Variants in STARD3NL observed in about 807,000 individuals in gnomAD.
STARD3NL encodes STARD3 N-terminal-like protein.
Under a neutral mutation model 30.9 loss-of-function variants are expected in STARD3NL, and 17 were observed. The ratio of observed to expected loss-of-function variants is 0.55; its 90% CI spans 0.38 to 0.82. The LOEUF (loss-of-function observed/expected upper bound fraction) is 0.82. Among genes scored for constraint, STARD3NL ranks in the 40% least tolerant of loss-of-function variants. The pLI, the probability that STARD3NL is intolerant of heterozygous loss-of-function variation, is 0.00. For synonymous variants in STARD3NL, 112 were observed against 100.5 expected (o/e 1.11, Z -0.69); for missense variants, 234 against 277.6 (o/e 0.84, Z 1.12).
chr7:38,199,297 C>A (rs1206380059), intron 1 of STARD3NL, among the ~76,000 whole-genome samples: 3 of 152,178 alleles, frequency 2.0e-5, no homozygotes, highest in Admixed American at 2.0e-4. Context: ...TTTAATACTT[C>A]TGAAATGACA....
intron 4 of STARD3NL, 80 bp from the exon 5 acceptor site, chr7:38,216,945 A>G: frequency 6.5e-7 from 1 of 1,543,206 alleles, no homozygotes; most frequent in Non-Finnish European, 8.9e-7. Flanking sequence ...CCTGGCTCAG[A>G]CGGGTCTCTT....
intron 1 of STARD3NL, among the ~76,000 whole-genome samples, chr7:38,183,293 G>A (rs1784321147): frequency 6.6e-6 from 1 of 152,146 alleles, no homozygotes; most frequent in African/African-American, 2.4e-5. Context: ...CTGTTCCTCA[G>A]CACTGTTGAT....
intron 1 of STARD3NL, among the ~76,000 whole-genome samples, chr7:38,190,916 A>G (rs1034275573): frequency 6.6e-6 from 1 of 152,180 alleles, no homozygotes; most frequent in African/African-American, 2.4e-5. Context: ...AGGATTTATC[A>G]CAATTGATGT....
intron 2 of STARD3NL, among the ~76,000 whole-genome samples, chr7:38,213,416 T>C (rs1294722079): frequency 6.6e-6 from 1 of 152,184 alleles, no homozygotes; most frequent in Non-Finnish European, 1.5e-5. Flanking sequence ...CAAATACAAA[T>C]ATGTGAAATG....
chr7:38,190,063 G>A (rs1188621270), intron 1 of STARD3NL, among the ~76,000 whole-genome samples: 1 of 152,134 alleles, frequency 6.6e-6, no homozygotes, highest in African/African-American at 2.4e-5. Context: ...CTTATCCATG[G>A]ACAGTACATT....
chr7:38,183,024 G>A (rs1784312231), intron 1 of STARD3NL, among the ~76,000 whole-genome samples: 1 of 151,974 alleles, frequency 6.6e-6, no homozygotes, highest in Non-Finnish European at 1.5e-5. Context: ...TTTTGTTTCA[G>A]GAAAATATAT....
At chr7:38,200,782 T>G (rs1362617511) in intron 1 of STARD3NL, among the ~76,000 whole-genome samples, 3 of 152,058 alleles carry the variant, frequency 2.0e-5, no homozygotes, top group Non-Finnish European at 2.9e-5. Flanking sequence ...GCAGTAATTG[T>G]TTTTTTGGGG....
intron 1 of STARD3NL, among the ~76,000 whole-genome samples, chr7:38,182,118 G>A (rs1425751760): frequency 1.3e-5 from 2 of 152,122 alleles, no homozygotes; most frequent in Admixed American, 6.5e-5. Flanking sequence ...GTTGACTTGA[G>A]CTTAAAAAAC....
chr7:38,190,773 C>T (rs891579417), intron 1 of STARD3NL, among the ~76,000 whole-genome samples: 1 of 152,108 alleles, frequency 6.6e-6, no homozygotes, highest in African/African-American at 2.4e-5. Context: ...GTATTCACAC[C>T]ACTATCCTTT....
intron 1 of STARD3NL, among the ~76,000 whole-genome samples, chr7:38,198,838 G>A (rs1383302141): frequency 6.6e-6 from 1 of 152,218 alleles, no homozygotes; most frequent in Non-Finnish European, 1.5e-5. Context: ...GGAAGCAGAT[G>A]GAGCTGATGT....
intron 1 of STARD3NL, among the ~76,000 whole-genome samples, chr7:38,196,066 T>C (rs1299004756): frequency 2.0e-5 from 3 of 152,242 alleles, no homozygotes; most frequent in African/African-American, 7.2e-5. Flanking sequence ...TTAACTGCCA[T>C]GTGGACTGAA....
At chr7:38,178,547 C>T (rs546210234) in intron 1 of STARD3NL, 127 bp downstream of exon 1, 6 of 152,794 alleles carry the variant, frequency 3.9e-5, no homozygotes, top group African/African-American at 1.2e-4. Context: ...GTTCTGTTTC[C>T]TGAGTCCTGC....
chr7:38,224,616 A>G (rs1786652887), intron 7 of STARD3NL, among the ~76,000 whole-genome samples: 1 of 152,160 alleles, frequency 6.6e-6, no homozygotes, highest in South Asian at 2.1e-4. Flanking sequence ...TCTGTCCAGC[A>G]GATCCACACT....
chr7:38,216,482 T>TGTGTGTGA (rs397840336), intron 4 of STARD3NL: 3 of 148,032 alleles, frequency 2.0e-5, no homozygotes, highest in African/African-American at 7.6e-5. Context: ...TGTGTGTGTG[T>TGTGTGTGA]GAGTGTGTGT....
chr7:38,182,924 A>G (rs1467803498), intron 1 of STARD3NL, among the ~76,000 whole-genome samples: 5 of 152,166 alleles, frequency 3.3e-5, no homozygotes, highest in Non-Finnish European at 5.9e-5. Flanking sequence ...TGTTGCAGTA[A>G]TCATAGGTTT....
chr7:38,229,745 T>C (rs1562631839), intron 8 of STARD3NL, among the ~76,000 whole-genome samples, 178 bp from the exon 9 acceptor site: 1 of 152,238 alleles, frequency 6.6e-6, no homozygotes, highest in African/African-American at 2.4e-5. Context: ...ATGCTCGTAG[T>C]TGAGCCTTTT....
chr7:38,197,138 TTC>T (rs1491299028), intron 1 of STARD3NL, among the ~76,000 whole-genome samples: 10 of 106,596 alleles, frequency 9.4e-5, no homozygotes, highest in African/African-American at 4.5e-4. Context: ...ATTACCTTTT[TTC>T]TTTCTTTCTT....
chr7:38,186,078 T>A (rs903588406), intron 1 of STARD3NL, among the ~76,000 whole-genome samples: 2 of 152,180 alleles, frequency 1.3e-5, no homozygotes, highest in Non-Finnish European at 2.9e-5. Flanking sequence ...TGAGGGACCT[T>A]CACCTGTCTA....
chr7:38,188,613 T>C (rs1008046950), intron 1 of STARD3NL, among the ~76,000 whole-genome samples: 1 of 152,232 alleles, frequency 6.6e-6, no homozygotes, highest in African/African-American at 2.4e-5. Context: ...AGATGTGGTA[T>C]ATTCTTGGCA....
Sources: allele counts gnomAD v4.1 joint callset (sites outside exome capture counted in the v4.1 genomes callset), GRCh38; gene constraint gnomAD v4.1.1; transcripts MANE v1.5; gene names NCBI Gene and HGNC (gene_info 2026-07-23, HGNC 2026-07-21).